The following TMOD1 variants were observed in gnomAD, a reference collection of about 807,000 sequenced individuals.
TMOD1 encodes the protein tropomodulin 1.
Under a neutral mutation model 40.6 loss-of-function variants are expected in TMOD1, and 17 were observed. The observed-to-expected ratio is 0.42, with a 90% CI of 0.29 to 0.63. The LOEUF is 0.63. Among genes scored for constraint, TMOD1 ranks in the 20% least tolerant of loss-of-function variants. The pLI is 0.22. For synonymous variants in TMOD1, 181 were observed against 175.0 expected (o/e 1.03, Z -0.27); for missense variants, 391 against 447.6 (o/e 0.87, Z 1.14).
chr9:97,552,243 C>G (rs1240472901), intron 3 of TMOD1, among the ~76,000 whole-genome samples: 1 of 152,148 alleles, frequency 6.6e-6, no homozygotes, highest in Non-Finnish European at 1.5e-5. Flanking sequence ...AGTGGGCACC[C>G]TTGTCTTGTT....
At chr9:97,566,869 G>A (rs62560481) in intron 7 of TMOD1, among the ~76,000 whole-genome samples, 321 of 152,100 alleles carry the variant, frequency 2.1e-3, no homozygotes, top group Non-Finnish European at 3.4e-3. Flanking sequence ...TGTGCCCAAC[G>A]CTGAATTAGG....
Position 97,557,052 on chromosome 9 carries a change from A to G in TMOD1, c.397+3652A>G, listed in dbSNP as rs570362066. Among the ~76,000 whole-genome samples, 14 of 152,328 alleles carry G rather than the reference A, an allele frequency of 9.2e-5. No individual in the cohort carries two copies. The highest frequency in any genetic ancestry group is 7.2e-4 in the Admixed American group (11 of 15,308). On this transcript the variant is annotated intron_variant, in intron 4 of 9. Transcript: ENST00000259365. This position sits in a 1 kb window ranked among gnomAD's most constrained non-coding sequence, Gnocchi z 4.4. ...CTAACTGCTCACTAAGCCAGTGCAC[A>G]TTATTGAACTCCTACTGTATACTAG...
In TMOD1 at chr9:97,518,086, C is replaced by T. The variant is rs148196263; in HGVS notation, c.-48-6055C>T. Among the ~76,000 whole-genome samples the T allele has an allele frequency of 2.5e-4, 38 of 152,366 alleles. No individual in the cohort carries two copies. The East Asian group carries it at 7.3e-3, about 29-fold the overall frequency. On this transcript the variant is annotated intron_variant, in intron 1 of 9. Coordinates refer to ENST00000259365, the MANE Select transcript of TMOD1 (RefSeq NM_003275.4). ...CTTCTCTTCACCACAGCTGCCCCAACACCTGCCCCATCTTCTCCTCCTGTC... is the reference window on the plus strand; with the variant it reads ...CTTCTCTTCACCACAGCTGCCCCAATACCTGCCCCATCTTCTCCTCCTGTC...
At chr9:97,564,859 G>C (rs534763147) in intron 6 of TMOD1, among the ~76,000 whole-genome samples, 2 of 151,892 alleles carry the variant, frequency 1.3e-5, no homozygotes, top group South Asian at 2.1e-4. Context: ...GTTCTGGGAG[G>C]GGGGTGGGGG....
intron 4 of TMOD1, among the ~76,000 whole-genome samples, chr9:97,555,255 C>T (rs1369575265): frequency 6.6e-6 from 1 of 152,148 alleles, no homozygotes; most frequent in Non-Finnish European, 1.5e-5. Context: ...CCCCGAAGTC[C>T]CTTGAGGTCG....
At chr9:97,582,517 T>C (rs1368807742) in intron 8 of TMOD1, among the ~76,000 whole-genome samples, 1 of 143,122 alleles carries the variant, frequency 7.0e-6, no homozygotes, top group African/African-American at 2.7e-5. Context: ...TTTAAAGTAG[T>C]TTTTTCCAAT....
At chr9:97,578,573 A>G (rs1825668219) in intron 8 of TMOD1, among the ~76,000 whole-genome samples, 1 of 152,260 alleles carries the variant, frequency 6.6e-6, no homozygotes, top group African/African-American at 2.4e-5. Context: ...AACCTGGGGC[A>G]GTCCTTTCAG....
chr9:97,547,215 C>T (rs138302341), intron 3 of TMOD1, among the ~76,000 whole-genome samples: 3 of 151,832 alleles, frequency 2.0e-5, no homozygotes, highest in African/African-American at 7.3e-5. Context: ...CCTCTGCCCC[C>T]CTCCAATATC....
chr9:97,520,473 C>G (rs1829897292), intron 1 of TMOD1, among the ~76,000 whole-genome samples: 1 of 152,204 alleles, frequency 6.6e-6, no homozygotes, highest in Non-Finnish European at 1.5e-5. Context: ...CCAGTTCTCC[C>G]ATTTCCTCCA....
chr9:97,589,431 C>G (rs1304428759), intron 8 of TMOD1, among the ~76,000 whole-genome samples: 2 of 150,846 alleles, frequency 1.3e-5, no homozygotes, highest in Non-Finnish European at 3.0e-5. Flanking sequence ...GCCACCACGC[C>G]CAGCTACTTT....
At chr9:97,544,555 A>C (rs1830331001) in intron 2 of TMOD1, among the ~76,000 whole-genome samples, 1 of 152,004 alleles carries the variant, frequency 6.6e-6, no homozygotes, top group Non-Finnish European at 1.5e-5. Context: ...AAGTAAAAAA[A>C]ATTAAAAAGA....
Position 97,599,954 on chromosome 9 carries a change from A to C in TMOD1, c.*256A>C. Reference sequence around the variant, plus strand: ...AAACTAGAAGCCCCCAAACCAGCAGATCTTACTGAAGATGATGTTCCAGCA... The same window carrying C: ...AAACTAGAAGCCCCCAAACCAGCAGCTCTTACTGAAGATGATGTTCCAGCA... On this transcript the variant is annotated 3_prime_UTR_variant, in exon 10 of 10. Transcript: ENST00000259365. The C allele has an allele frequency of 1.6e-6, 2 of 1,254,150 alleles. No homozygotes were observed. Among genetic ancestry groups the C allele is most frequent in the Admixed American group, 3.4e-5 (1 of 29,592 alleles). The allele number at this position is 1,254,150 out of a possible 1,614,324, so 77.7% of individuals were successfully genotyped here. A position where few individuals can be genotyped will look rare whatever the true frequency, so the allele number is the denominator to read the frequency against.
chr9:97,531,747 A>G (rs1036264784), intron 2 of TMOD1, among the ~76,000 whole-genome samples: 9 of 152,182 alleles, frequency 5.9e-5, no homozygotes, highest in Non-Finnish European at 1.2e-4. Context: ...CATACGCGGT[A>G]CCGGTAGAGA....
At chr9:97,508,271 C>T (rs1829628643) in intron 1 of TMOD1, among the ~76,000 whole-genome samples, 1 of 152,044 alleles carries the variant, frequency 6.6e-6, no homozygotes, top group Non-Finnish European at 1.5e-5. Context: ...TCACTGCAAC[C>T]TCCGCCTCCC....
chr9:97,580,288 G>T (rs1208397927), intron 8 of TMOD1, among the ~76,000 whole-genome samples: 1 of 152,126 alleles, frequency 6.6e-6, no homozygotes, highest in Non-Finnish European at 1.5e-5. Context: ...GGGGATAATT[G>T]CAGACTAGTA....
intron 9 of TMOD1, among the ~76,000 whole-genome samples, chr9:97,598,481 A>C (rs1313459306): frequency 6.6e-6 from 1 of 152,220 alleles, no homozygotes; most frequent in Non-Finnish European, 1.5e-5. Context: ...CCGATGAGGC[A>C]ATGAGGATGG....
intron 6 of TMOD1, among the ~76,000 whole-genome samples, chr9:97,564,600 T>C (rs530425339): frequency 1.3e-5 from 2 of 152,338 alleles, no homozygotes; most frequent in Admixed American, 1.3e-4. Context: ...CCCTGTGCCA[T>C]CGCTGCTGCT....
chr9:97,588,277 T>C (rs1477061633), intron 8 of TMOD1, among the ~76,000 whole-genome samples: 2 of 152,248 alleles, frequency 1.3e-5, no homozygotes, highest in Non-Finnish European at 2.9e-5. Flanking sequence ...CTGTCTTTTC[T>C]ATTATAGTCA....
intron 1 of TMOD1, among the ~76,000 whole-genome samples, chr9:97,509,126 T>C (rs1829651379): frequency 6.6e-6 from 1 of 152,202 alleles, no homozygotes; most frequent in African/African-American, 2.4e-5. Context: ...ATTTTGGACT[T>C]CTGGTCCTCT....
Sources: gnomAD v4.1 joint callset for allele counts (sites outside exome capture counted in the v4.1 genomes callset) on GRCh38, gnomAD v4.1.1 for gene constraint, Gnocchi (gnomAD v3.1) non-coding constraint, MANE v1.5 for transcripts, NCBI Gene and HGNC (gene_info 2026-07-23, HGNC 2026-07-21) for gene names.